WDR7: variants seen among roughly 807,000 people sequenced by gnomAD.
WDR7 encodes WD repeat-containing protein 7.
WDR7 carries 46 observed loss-of-function variants against 169.4 expected under a neutral mutation model. The observed-to-expected ratio is 0.27, with a 90% CI of 0.21 to 0.35. The LOEUF is 0.35. WDR7 is among the 10% of genes least tolerant of loss of function. WDR7 has a pLI of 1.00. For synonymous variants in WDR7, 612 were observed against 666.8 expected (o/e 0.92, Z 1.27); for missense variants, 1,534 against 1,859.3 (o/e 0.83, Z 3.22).
intron 26 of WDR7, among the ~76,000 whole-genome samples, chr18:57,020,537 C>T (rs1327363293): frequency 6.6e-6 from 1 of 152,200 alleles, no homozygotes; most frequent in Non-Finnish European, 1.5e-5. Context: ...GTGGACACCT[C>T]AGAACAAGAT....
chr18:57,010,402 C>A, intron 26 of WDR7: 1 of 529,382 alleles, frequency 1.9e-6, no homozygotes, highest in Non-Finnish European at 2.4e-6. Context: ...GTCCATGAAT[C>A]ATCTTTAAGT....
chr18:56,924,238 A>G (rs1249000588), intron 22 of WDR7, 130 bp downstream of exon 22: 2 of 1,086,470 alleles, frequency 1.8e-6, no homozygotes, highest in Non-Finnish European at 1.3e-6. Context: ...ATGTTTCAAT[A>G]TGTGAAGTTT....
intron 26 of WDR7, among the ~76,000 whole-genome samples, chr18:57,011,669 T>C (rs1020211871): frequency 6.6e-6 from 1 of 152,214 alleles, no homozygotes; most frequent in African/African-American, 2.4e-5. Context: ...AAAGAAATTA[T>C]AGAGATAAAC....
At chr18:56,718,321 C>T (rs957137439) in intron 13 of WDR7, among the ~76,000 whole-genome samples, 162 bp downstream of exon 13, 3 of 152,004 alleles carry the variant, frequency 2.0e-5, no homozygotes, top group African/African-American at 7.3e-5. Flanking sequence ...TTCTGCTATG[C>T]CAAATGTTTG....
At chr18:56,935,749 CTTCTT>C in intron 22 of WDR7, 34 bp from the exon 23 acceptor site, 1 of 1,579,952 alleles carries the variant, frequency 6.3e-7, no homozygotes, top group Non-Finnish European at 8.7e-7. Context: ...ATTTCTAATG[CTTCTT>C]TTCTTTTTTT....
chr18:56,654,014 C>T (rs1292802211), intron 1 of WDR7, among the ~76,000 whole-genome samples: 1 of 152,156 alleles, frequency 6.6e-6, no homozygotes, highest in African/African-American at 2.4e-5. Context: ...CTTTGTTTCC[C>T]CACAAATGCT....
At chr18:56,961,587 T>C (rs748552111) in intron 25 of WDR7, among the ~76,000 whole-genome samples, 3 of 152,152 alleles carry the variant, frequency 2.0e-5, no homozygotes, top group Non-Finnish European at 4.4e-5. Flanking sequence ...ATTTTTATTC[T>C]TACCTTCAGG....
At chr18:56,989,968 A>G (rs1433263121) in intron 26 of WDR7, among the ~76,000 whole-genome samples, 1 of 152,248 alleles carries the variant, frequency 6.6e-6, no homozygotes, top group East Asian at 1.9e-4. Context: ...AGCAAACAGG[A>G]CCATGTAAAA....
intron 16 of WDR7, among the ~76,000 whole-genome samples, chr18:56,770,529 TTTTGA>T (rs1158644653): frequency 2.6e-5 from 4 of 152,222 alleles, no homozygotes; most frequent in Admixed American, 2.0e-4. Flanking sequence ...TTTTTTGACT[TTTTGA>T]TTTGAGTTAT....
intron 12 of WDR7, 113 bp from the exon 13 acceptor site, chr18:56,717,851 G>A (rs777529080): frequency 1.1e-5 from 11 of 998,416 alleles, no homozygotes; most frequent in Non-Finnish European, 1.6e-5. Flanking sequence ...ATATTGTGGT[G>A]GTTTTTCAGT....
intron 14 of WDR7, among the ~76,000 whole-genome samples, chr18:56,733,654 A>G (rs1201023356): frequency 6.6e-6 from 1 of 152,174 alleles, no homozygotes; most frequent in Non-Finnish European, 1.5e-5. Context: ...AAAACTTCAC[A>G]AAGATGGAGA....
intron 5 of WDR7, among the ~76,000 whole-genome samples, 166 bp downstream of exon 5, chr18:56,683,019 TTTGA>T (rs2025379886): frequency 6.6e-6 from 1 of 152,208 alleles, no homozygotes; most frequent in Admixed American, 6.5e-5. Flanking sequence ...TAAAGAAATC[TTTGA>T]TTGAATGAAG....
chr18:56,756,362 A>G (rs1452129956), intron 14 of WDR7, among the ~76,000 whole-genome samples: 1 of 152,114 alleles, frequency 6.6e-6, no homozygotes, highest in African/African-American at 2.4e-5. Flanking sequence ...CTAATTGGCA[A>G]TTTTGTGATT....
intron 21 of WDR7, among the ~76,000 whole-genome samples, chr18:56,904,074 A>AC (rs1568258276): frequency 6.7e-6 from 1 of 148,158 alleles, no homozygotes; most frequent in Non-Finnish European, 1.5e-5. Flanking sequence ...GCTCAAAATA[A>AC]TTTTTTTTTT....
chr18:56,895,702 T>C (rs2046323773), intron 21 of WDR7, among the ~76,000 whole-genome samples: 1 of 151,730 alleles, frequency 6.6e-6, no homozygotes, highest in Admixed American at 6.6e-5. Context: ...ATATCTACCA[T>C]GTACCCATAA....
At chr18:57,031,069 T>C (rs1251448555), downstream of WDR7, 1 of 152,180 alleles carries the variant, frequency 6.6e-6, no homozygotes, top group Non-Finnish European at 1.5e-5. Context: ...GTACACCTTT[T>C]GGCTACAGAT....
intron 20 of WDR7, among the ~76,000 whole-genome samples, chr18:56,847,330 G>C (rs1247020461): frequency 6.6e-6 from 1 of 152,178 alleles, no homozygotes; most frequent in South Asian, 2.1e-4. Context: ...TCAAATAGTG[G>C]CCTGGCTGCT....
chr18:56,971,965 G>A (rs140077826), intron 26 of WDR7, among the ~76,000 whole-genome samples: 17 of 152,300 alleles, frequency 1.1e-4, no homozygotes, highest in African/African-American at 4.1e-4. Flanking sequence ...GAGTAATATA[G>A]ATGTTGTAAA....
intron 26 of WDR7, among the ~76,000 whole-genome samples, chr18:56,973,839 G>A (rs1368238145): frequency 6.6e-6 from 1 of 152,116 alleles, no homozygotes; most frequent in Non-Finnish European, 1.5e-5. Flanking sequence ...GCACATACCT[G>A]GTACCATTAA....
Sources: allele counts gnomAD v4.1 joint callset (sites outside exome capture counted in the v4.1 genomes callset), GRCh38; gene constraint gnomAD v4.1.1; transcripts MANE v1.5; gene names NCBI Gene and HGNC (gene_info 2026-07-23, HGNC 2026-07-21).